MECOM: variants seen among roughly 807,000 people sequenced by gnomAD.
The protein encoded by MECOM is histone-lysine N-methyltransferase MECOM.
MECOM carries 13 observed loss-of-function variants against 116.3 expected under a neutral mutation model. That is an observed-to-expected ratio of 0.11 (90% CI 0.07 to 0.18). MECOM has a LOEUF of 0.18. Ranked by LOEUF, MECOM falls within the 10% of genes least tolerant of loss-of-function variation. MECOM has a pLI of 1.00. For missense variants in MECOM, 1,299 were observed against 1,509.0 expected, an observed-to-expected ratio of 0.86 and a Z score of 2.31; for synonymous variants, 528 against 535.2, an observed-to-expected ratio of 0.99 and a Z score of 0.19.
At chr3:169,321,773 G>C (rs1195909892) in intron 2 of MECOM, among the ~76,000 whole-genome samples, 1 of 152,084 alleles carries the variant, frequency 6.6e-6, no homozygotes, top group Non-Finnish European at 1.5e-5. Flanking sequence ...ACAGATACAA[G>C]GTTCAATTAG....
intron 2 of MECOM, among the ~76,000 whole-genome samples, chr3:169,334,106 C>A (rs967190848): frequency 2.6e-5 from 4 of 152,038 alleles, no homozygotes; most frequent in Non-Finnish European, 5.9e-5. Context: ...CTCTCTTCTG[C>A]TTTCTCATAG....
intron 1 of MECOM, among the ~76,000 whole-genome samples, chr3:169,524,039 AATATATATATAT>A (rs10575336): frequency 1.4e-5 from 2 of 138,248 alleles, no homozygotes; most frequent in Non-Finnish European, 3.1e-5. Flanking sequence ...TATATGAATA[AATATATATATAT>A]ATATATATAT....
At chr3:169,285,006 G>A (rs1195720510) in intron 2 of MECOM, among the ~76,000 whole-genome samples, 1 of 152,132 alleles carries the variant, frequency 6.6e-6, no homozygotes. Context: ...GTGAAAGGAG[G>A]TTAGTCCCCA....
intron 1 of MECOM, among the ~76,000 whole-genome samples, chr3:169,560,485 T>A (rs1230385034): frequency 6.6e-6 from 1 of 152,178 alleles, no homozygotes; most frequent in Non-Finnish European, 1.5e-5. Flanking sequence ...AAAAAATTTA[T>A]ATCCCCTTTG....
chr3:169,231,794 A>G (rs762294854), intron 2 of MECOM, among the ~76,000 whole-genome samples: 5 of 152,076 alleles, frequency 3.3e-5, no homozygotes, highest in Non-Finnish European at 5.9e-5. Flanking sequence ...AAAAGTGAAT[A>G]TTATTTCTTA....
chr3:169,573,620 A>T (rs1445765041), intron 1 of MECOM, among the ~76,000 whole-genome samples: 2 of 152,238 alleles, frequency 1.3e-5, no homozygotes, highest in African/African-American at 4.8e-5. Context: ...TTAATTCTAC[A>T]TTGCTTTTAT....
chr3:169,507,843 A>G (rs55798938), intron 1 of MECOM, among the ~76,000 whole-genome samples: 24,136 of 145,674 alleles, frequency 0.17, 2,137 homozygotes, highest in East Asian at 0.31. Flanking sequence ...TGTATTTTTG[A>G]TAGAGACGGG....
intron 1 of MECOM, among the ~76,000 whole-genome samples, chr3:169,504,430 T>A (rs1315188223): frequency 1.3e-5 from 2 of 152,198 alleles, no homozygotes; most frequent in African/African-American, 4.8e-5. Flanking sequence ...ACTCAATTAT[T>A]TAATTGCTTT....
chr3:169,570,577 G>T (rs893457640), intron 1 of MECOM, among the ~76,000 whole-genome samples: 1 of 152,104 alleles, frequency 6.6e-6, no homozygotes, highest in Non-Finnish European at 1.5e-5. Flanking sequence ...GAACATCAAT[G>T]TGAAAATCCT....
chr3:169,472,518 G>GAAAGAAAAGAAAAGA (rs1183018878), intron 1 of MECOM, among the ~76,000 whole-genome samples: 2 of 70,110 alleles, frequency 2.9e-5, no homozygotes, highest in Admixed American at 1.6e-4. Context: ...GAAAGGAAAG[G>GAAAGAAAAGAAAAGA]AAAGAAAAGA....
At chr3:169,608,063 C>A (rs1351036700) in intron 1 of MECOM, among the ~76,000 whole-genome samples, 2 of 152,322 alleles carry the variant, frequency 1.3e-5, no homozygotes, top group East Asian at 3.9e-4. Flanking sequence ...CCCTATGCAA[C>A]CTTTGTCATT....
intron 10 of MECOM, among the ~76,000 whole-genome samples, chr3:169,103,767 T>C (rs1392807975): frequency 6.6e-6 from 1 of 152,188 alleles, no homozygotes; most frequent in East Asian, 1.9e-4. Flanking sequence ...CATCAGCTTC[T>C]TAAAGTAGAG....
chr3:169,459,979 T>C (rs1747160214), intron 1 of MECOM, among the ~76,000 whole-genome samples: 1 of 152,146 alleles, frequency 6.6e-6, no homozygotes, highest in Non-Finnish European at 1.5e-5. Context: ...TTTTCCAAAA[T>C]GTTTAAGAAT....
chr3:169,249,536 G>A (rs1011221108), intron 2 of MECOM, among the ~76,000 whole-genome samples: 3 of 152,256 alleles, frequency 2.0e-5, no homozygotes, highest in East Asian at 1.9e-4. Flanking sequence ...GCTGAGAGTC[G>A]AGAAGTTAGC....
chr3:169,442,684 A>G (rs1743933168), intron 1 of MECOM, among the ~76,000 whole-genome samples: 1 of 152,234 alleles, frequency 6.6e-6, no homozygotes, highest in African/African-American at 2.4e-5. Flanking sequence ...CAAACAAATA[A>G]GAAGAGTTTT....
At chr3:169,317,043 C>T (rs1020297398) in intron 2 of MECOM, among the ~76,000 whole-genome samples, 5 of 152,148 alleles carry the variant, frequency 3.3e-5, no homozygotes, top group South Asian at 2.1e-4. Context: ...TATTTCCCAG[C>T]GTGAGGGACC....
At chr3:169,141,481 G>A (rs1320621744) in intron 3 of MECOM, among the ~76,000 whole-genome samples, 1 of 151,926 alleles carries the variant, frequency 6.6e-6, no homozygotes, top group Non-Finnish European at 1.5e-5. Context: ...TCACCATTTG[G>A]CAGCTCCTAT....
chr3:169,247,132 A>G (rs1755680664), intron 2 of MECOM, among the ~76,000 whole-genome samples: 1 of 152,172 alleles, frequency 6.6e-6, no homozygotes, highest in South Asian at 2.1e-4. Context: ...CTGTGTTGCA[A>G]AAAACCTCTG....
intron 2 of MECOM, among the ~76,000 whole-genome samples, chr3:169,285,833 G>A (rs1713174763): frequency 6.6e-6 from 1 of 152,114 alleles, no homozygotes; most frequent in African/African-American, 2.4e-5. Flanking sequence ...TTAATGGGGT[G>A]TAATCAGTAA....
Sources: gnomAD v4.1 joint callset for allele counts (sites outside exome capture counted in the v4.1 genomes callset) on GRCh38, gnomAD v4.1.1 for gene constraint, MANE v1.5 for transcripts, NCBI Gene and HGNC (gene_info 2026-07-23, HGNC 2026-07-21) for gene names.